KCNIP4: variants seen among roughly 807,000 people sequenced by gnomAD.
KCNIP4 encodes Kv channel-interacting protein 4.
KCNIP4 carries 12 observed loss-of-function variants against 34.0 expected under a neutral mutation model. The ratio of observed to expected loss-of-function variants is 0.35; its 90% CI spans 0.23 to 0.57. The LOEUF is 0.57. Ranked by LOEUF, KCNIP4 falls within the 20% of genes least tolerant of loss-of-function variation. KCNIP4 has a pLI of 0.83. For missense variants in KCNIP4, 238 were observed against 311.7 expected (o/e 0.76, Z 1.78); for synonymous variants, 124 against 102.2 (o/e 1.21, Z -1.29).
intron 1 of KCNIP4, among the ~76,000 whole-genome samples, chr4:21,372,115 G>C (rs1720502473): frequency 6.8e-6 from 1 of 147,184 alleles, no homozygotes; most frequent in Non-Finnish European, 1.5e-5. Flanking sequence ...TGAATGGACA[G>C]CAACATCAAC....
In KCNIP4 at chr4:21,193,828, C is replaced by T. The variant is rs975956920; in HGVS notation, c.62-311119G>A. ...CCTCGTGATCCACCCACCTCGGCCT[C>T]CCAAAGTGCTGGGATTACAGGCGTG... is the stretch of plus-strand genomic sequence containing the variant. On this transcript the variant is annotated intron_variant, in intron 1 of 8. Coordinates refer to ENST00000382152, the MANE Select transcript of KCNIP4 (RefSeq NM_025221.6). Among the ~76,000 whole-genome samples, 3 of 152,132 alleles carry T rather than the reference C, an allele frequency of 2.0e-5. No homozygotes were observed. In the East Asian group the frequency reaches 5.8e-4, roughly 29 times the overall value.
chr4:20,937,220 G>GTTTTTTTTTTTTTTTT (rs1157766416), intron 1 of KCNIP4, among the ~76,000 whole-genome samples: 3 of 105,142 alleles, frequency 2.9e-5, no homozygotes, highest in Non-Finnish European at 5.8e-5. Flanking sequence ...CCCCCAAGGA[G>GTTTTTTTTTTTTTTTT]TCTTTTTTTT....
chr4:21,757,720 C>T (rs1284802961), intron 1 of KCNIP4, among the ~76,000 whole-genome samples: 3 of 152,118 alleles, frequency 2.0e-5, no homozygotes, highest in Admixed American at 6.5e-5. Flanking sequence ...GTGATGCCTG[C>T]CACCCAATCT....
At chr4:20,741,451 A>G (rs887251873) in intron 5 of KCNIP4, among the ~76,000 whole-genome samples, 1 of 152,216 alleles carries the variant, frequency 6.6e-6, no homozygotes, top group Non-Finnish European at 1.5e-5. Context: ...AAACTGAACA[A>G]CCTGCTCCTG....
rs894064553 is a variant in KCNIP4 at position 21,581,843 on chromosome 4, C to A, written c.61+366728G>T. Among the ~76,000 whole-genome samples, 5 of 151,998 alleles carry A rather than the reference C, an allele frequency of 3.3e-5. No individual in the cohort carries two copies. In the East Asian group the frequency reaches 9.7e-4, roughly 29 times the overall value. On this transcript the variant is annotated intron_variant, in intron 1 of 8. Coordinates refer to ENST00000382152, the MANE Select transcript of KCNIP4 (RefSeq NM_025221.6). The stretch of plus-strand genomic sequence containing the variant: ...CTTAATTATTAACCTCTTACAAATA[C>A]CCCCTATTTACACAGAATGTTTTTC...
At chr4:21,738,860 T>C (rs768004474) in intron 1 of KCNIP4, among the ~76,000 whole-genome samples, 2 of 152,134 alleles carry the variant, frequency 1.3e-5, no homozygotes, top group Non-Finnish European at 2.9e-5. Flanking sequence ...TATATAGACA[T>C]ACATGATGAT....
chr4:21,082,936 A>G (rs1746130268), intron 1 of KCNIP4, among the ~76,000 whole-genome samples: 1 of 151,792 alleles, frequency 6.6e-6, no homozygotes, highest in African/African-American at 2.4e-5. Context: ...ACACAGAAAT[A>G]TAACATTTTA....
At chr4:21,402,093 T>C (rs184730386) in intron 1 of KCNIP4, among the ~76,000 whole-genome samples, 1 of 152,340 alleles carries the variant, frequency 6.6e-6, no homozygotes, top group East Asian at 1.9e-4. Context: ...AAAACGCATA[T>C]ACTTTCTCCT....
chr4:21,370,717 G>GGTACA (rs1720262270), intron 1 of KCNIP4, among the ~76,000 whole-genome samples: 1 of 134,324 alleles, frequency 7.4e-6, no homozygotes, highest in Non-Finnish European at 1.5e-5. Flanking sequence ...AAGCTTGCCA[G>GGTACA]GTACAGGAGG....
intron 1 of KCNIP4, among the ~76,000 whole-genome samples, chr4:21,121,694 G>C (rs1415671554): frequency 6.6e-6 from 1 of 152,182 alleles, no homozygotes; most frequent in African/African-American, 2.4e-5. Flanking sequence ...AAGTAAGTGA[G>C]ATATTGCATA....
chr4:21,289,009 A>T (rs1249720897), intron 1 of KCNIP4, among the ~76,000 whole-genome samples: 4 of 152,178 alleles, frequency 2.6e-5, no homozygotes, highest in Admixed American at 6.5e-5. Context: ...GATAACTATT[A>T]TTGACTGGGT....
At chr4:21,257,968 C>G (rs1462577958) in intron 1 of KCNIP4, among the ~76,000 whole-genome samples, 1 of 152,114 alleles carries the variant, frequency 6.6e-6, no homozygotes, top group South Asian at 2.1e-4. Flanking sequence ...TGCCTCTCAT[C>G]AAATCTCTCT....
chr4:21,232,561 T>G lies in KCNIP4; in HGVS notation c.62-349852A>C, dbSNP rs188553959. ...TCAATTATGAACAAAATATAACTTATTCAACAAATTATTATTGAGAATTTA... is the reference window on the plus strand; with the variant it reads ...TCAATTATGAACAAAATATAACTTAGTCAACAAATTATTATTGAGAATTTA... On this transcript the variant is annotated intron_variant, in intron 1 of 8. Transcript: ENST00000382152. 3.0e-4 allele frequency among the ~76,000 whole-genome samples: 45 copies of G among 152,300 alleles called. No individual in the cohort carries two copies. In the East Asian group the frequency reaches 7.7e-3, roughly 26 times the overall value.
chr4:21,923,657 G>A (rs1245155185), intron 1 of KCNIP4, among the ~76,000 whole-genome samples: 1 of 151,924 alleles, frequency 6.6e-6, no homozygotes, highest in East Asian at 1.9e-4. Context: ...CAAGTTCAAG[G>A]GGCTCATCTC....
intron 4 of KCNIP4, among the ~76,000 whole-genome samples, chr4:20,750,377 G>A (rs1753389623): frequency 1.3e-5 from 2 of 152,054 alleles, no homozygotes; most frequent in South Asian, 2.1e-4. Flanking sequence ...GGAAGTTTCT[G>A]TGGCTGTGTT....
At chr4:20,900,011 T>C (rs1339990621) in intron 1 of KCNIP4, among the ~76,000 whole-genome samples, 1 of 152,144 alleles carries the variant, frequency 6.6e-6, no homozygotes, top group African/African-American at 2.4e-5. Context: ...CCTGATACTT[T>C]CCCCAAGGAT....
chr4:21,560,617 C>G lies in KCNIP4; in HGVS notation c.61+387954G>C, dbSNP rs80256994. ...TACCTGGAAAACTCAGCATATATAG[C>G]TCTTACTCATGGAACACTGTTGTAA... On this transcript the variant is annotated intron_variant, in intron 1 of 8. Coordinates refer to ENST00000382152, the MANE Select transcript of KCNIP4 (RefSeq NM_025221.6). 3.5e-3 allele frequency among the ~76,000 whole-genome samples: 538 copies of G among 152,122 alleles called. 6 individuals are homozygous for G. The highest frequency in any genetic ancestry group is 0.012 in the African/African-American group (512 of 41,514).
At chr4:21,520,811 T>C (rs1735456140) in intron 1 of KCNIP4, among the ~76,000 whole-genome samples, 1 of 152,170 alleles carries the variant, frequency 6.6e-6, no homozygotes, top group South Asian at 2.1e-4. Context: ...ATCCAAAATG[T>C]GTGATATTTA....
At chr4:20,806,012 ATAC>A (rs1380272261) in intron 3 of KCNIP4, among the ~76,000 whole-genome samples, 20 of 152,138 alleles carry the variant, frequency 1.3e-4, no homozygotes, top group Admixed American at 4.6e-4. Context: ...AGAATTTGAA[ATAC>A]TACTATTTCT....
Sources: gnomAD v4.1 joint callset for allele counts (sites outside exome capture counted in the v4.1 genomes callset) on GRCh38, gnomAD v4.1.1 for gene constraint, MANE v1.5 for transcripts, NCBI Gene and HGNC (gene_info 2026-07-23, HGNC 2026-07-21) for gene names.